The following NRDE2 variants were observed in gnomAD, a reference collection of about 807,000 sequenced individuals.
The protein encoded by NRDE2 is NRDE-2, necessary for RNA interference, domain containing, also known as nuclear exosome regulator NRDE2.
NRDE2 carries 76 observed loss-of-function variants against 124.2 expected under a neutral mutation model. The ratio of observed to expected loss-of-function variants is 0.61; its 90% CI spans 0.51 to 0.74. The LOEUF is 0.74. Ranked by LOEUF, NRDE2 falls within the 30% of genes least tolerant of loss-of-function variation. NRDE2 has a pLI of 0.00. For synonymous variants in NRDE2, 489 were observed against 528.1 expected, an observed-to-expected ratio of 0.93 and a Z score of 1.01; for missense variants, 1,314 against 1,417.3, an observed-to-expected ratio of 0.93 and a Z score of 1.17.
intron 8 of NRDE2, among the ~76,000 whole-genome samples, chr14:90,296,937 C>G (rs2149646): frequency 0.95 from 144,449 of 152,086 alleles, 68,982 homozygotes; most frequent in East Asian, 1. Context: ...TCAGAGGTTC[C>G]AGACCAGCCT....
intron 12 of NRDE2, chr14:90,280,267 GA>G (rs1891917727): frequency 6.6e-6 from 1 of 151,422 alleles, no homozygotes; most frequent in South Asian, 2.1e-4. Context: ...CACAGGGACG[GA>G]ACTGTGATAA....
intron 11 of NRDE2, 137 bp downstream of exon 11, chr14:90,288,080 C>T: frequency 7.8e-6 from 6 of 767,420 alleles, no homozygotes. Context: ...CCTATGACAC[C>T]TACAGCCCCA....
chr14:90,279,005 G>A (rs928765388), intron 13 of NRDE2, 57 bp downstream of exon 13: 56 of 1,234,484 alleles, frequency 4.5e-5, no homozygotes, highest in South Asian at 2.1e-4. Flanking sequence ...CTAGCTGGAC[G>A]GAGACCTGGC....
At position 90,316,736 on chromosome 14, in the gene NRDE2, C is replaced by G. The variant is rs752433291; in HGVS notation, c.249G>C (p.Lys83Asn). Reference protein sequence around the residue: ...KKLKQTSRKKKKEKKKKRKHQ... With the variant: ...KKLKQTSRKKNKEKKKKRKHQ... The stretch of plus-strand genomic sequence containing the variant: ...GCTTCCTTTTTTTCTTTTTCTCTTT[C>G]TTCTTTTTTCTACTTGTTTGTTTGA... Residue 83 changes from lysine (K) to asparagine (N), a missense_variant, in exon 3 of 14, where the codon AAG (lysine) becomes AAC (asparagine). Coordinates refer to ENST00000354366, the MANE Select transcript of NRDE2 (RefSeq NM_017970.4). 1 of 1,613,380 alleles carries G rather than the reference C, an allele frequency of 6.2e-7. No individual in the cohort carries two copies. Among genetic ancestry groups the G allele is most frequent in the South Asian group, 1.1e-5 (1 of 90,818 alleles).
rs769848737 is a variant in NRDE2 at position 90,331,852 on chromosome 14, C to G, written c.53G>C (p.Ser18Thr). The change falls in exon 1 of 14, where the codon AGC (serine) becomes ACC (threonine). Residue 18 changes from serine (S) to threonine (T), a missense_variant. Coordinates refer to ENST00000354366, the MANE Select transcript of NRDE2 (RefSeq NM_017970.4). ...GTTTGTGTGCTTACCTTTCCTGGAGCTCCCGCCATCGGGAGCCTCACTAAG... is the reference window on the plus strand; with the variant it reads ...GTTTGTGTGCTTACCTTTCCTGGAGGTCCCGCCATCGGGAGCCTCACTAAG... ...AGLSEAPDGG[S>T]SRKELDWLSN... 1.2e-6 allele frequency: 2 copies of G among 1,614,106 alleles called. No homozygotes were observed. Among genetic ancestry groups the G allele is most frequent in the Admixed American group, 1.7e-5 (1 of 60,028 alleles).
In NRDE2 at chr14:90,283,428, T is replaced by C. The variant is rs12433283; in HGVS notation, c.3297+2926A>G. ...AGACTGGGTAAGTTAAACTGGCAAATGTGCAAACTCCACCATTTTAAATGT... is the reference window on the plus strand; with the variant it reads ...AGACTGGGTAAGTTAAACTGGCAAACGTGCAAACTCCACCATTTTAAATGT... On this transcript the variant is annotated intron_variant, in intron 12 of 13. Transcript: ENST00000354366. 4.7e-3 allele frequency among the ~76,000 whole-genome samples: 711 copies of C among 152,294 alleles called. 4 individuals are homozygous for C. Among genetic ancestry groups the C allele is most frequent in the African/African-American group, 0.016 (670 of 41,570 alleles).
At chr14:90,313,053 T>G (rs1884903439) in intron 3 of NRDE2, among the ~76,000 whole-genome samples, 1 of 151,708 alleles carries the variant, frequency 6.6e-6, no homozygotes, top group South Asian at 2.1e-4. Flanking sequence ...AACTCAAAAC[T>G]TCTCTAAAAA....
Position 90,275,794 on chromosome 14 carries a change from C to A in NRDE2, c.*2542G>T, listed in dbSNP as rs776487779. 6.6e-6 allele frequency: 1 copy of A among 152,230 alleles called. No homozygotes were observed. The highest frequency in any genetic ancestry group is 1.5e-5 in the Non-Finnish European group (1 of 68,042). 9.4% of individuals were successfully genotyped at this position (152,230 alleles called of 1,614,324 possible). On this transcript the variant is annotated 3_prime_UTR_variant, in exon 14 of 14. Coordinates refer to ENST00000354366, the MANE Select transcript of NRDE2 (RefSeq NM_017970.4). ...CGGAAAACCCACTGGCTCTTTGGAGCCCTTCCTCAGTAGAACAATTTAAGG... is the reference window on the plus strand; with the variant it reads ...CGGAAAACCCACTGGCTCTTTGGAGACCTTCCTCAGTAGAACAATTTAAGG...
rs148662497 is a variant in NRDE2, at chr14:90,292,815, G to T, written c.1724C>A (p.Pro575His). 1 of 1,613,994 alleles carries T rather than the reference G, an allele frequency of 6.2e-7. No individual in the cohort carries two copies. Among genetic ancestry groups the T allele is most frequent in the Non-Finnish European group, 8.5e-7 (1 of 1,179,998 alleles). The change falls in exon 9 of 14, where the codon CCC becomes CAC. Residue 575 changes from proline (P) to histidine (H), a missense_variant. Coordinates refer to ENST00000354366, the MANE Select transcript of NRDE2 (RefSeq NM_017970.4). ...DDQEIKDKTL[P>H]RWQIWLAAER... is the part of the protein sequence containing the mutation. ...AGCAGCAAGCCAGATCTGCCACCTG[G>T]GCAGAGTCTTATCTTTTATTTCCTG...
intron 1 of NRDE2, among the ~76,000 whole-genome samples, chr14:90,319,986 T>G (rs548851044): frequency 3.3e-4 from 50 of 152,334 alleles, no homozygotes; most frequent in Non-Finnish European, 6.6e-4. Context: ...TTTTTTGTCA[T>G]ATTATCTTTT....
chr14:90,304,449 G>T, intron 4 of NRDE2, 67 bp from the exon 5 acceptor site: 1 of 1,182,510 alleles, frequency 8.5e-7, no homozygotes, highest in South Asian at 1.5e-5. Context: ...GACTAAAGGC[G>T]CATTAGACCT....
intron 11 of NRDE2, among the ~76,000 whole-genome samples, chr14:90,287,350 G>A (rs1182488515): frequency 1.3e-5 from 2 of 152,138 alleles, no homozygotes. Flanking sequence ...GGACACTGTG[G>A]CTCCCTCCTA....
At chr14:90,324,738 CTGT>C in intron 1 of NRDE2, among the ~76,000 whole-genome samples, 1 of 151,818 alleles carries the variant, frequency 6.6e-6, no homozygotes, top group South Asian at 2.1e-4. Context: ...AATCCTGACT[CTGT>C]GACTTACTAA....
In NRDE2 at chr14:90,271,559, C is replaced by A. The variant is rs761203586; in HGVS notation, c.*6777G>T. ...CCACTTACAGTATCTAACCAGAATA[C>A]ATGTTCTTTTATGACTATAAGTAAA... On this transcript the variant is annotated 3_prime_UTR_variant, in exon 14 of 14. Coordinates refer to ENST00000354366, the MANE Select transcript of NRDE2 (RefSeq NM_017970.4). The A allele has an allele frequency of 6.6e-6, 1 of 152,186 alleles. No individual in the cohort carries two copies. The highest frequency in any genetic ancestry group is 1.5e-5 in the Non-Finnish European group (1 of 68,032). The allele number at this position is 152,186 out of a possible 1,614,324, so 9.4% of individuals were successfully genotyped here.
intron 9 of NRDE2, among the ~76,000 whole-genome samples, chr14:90,291,672 T>A (rs1892274836): frequency 6.6e-6 from 1 of 152,252 alleles, no homozygotes. Context: ...CCCTAGAAGC[T>A]GGCCCCTTCT....
At position 90,301,414 on chromosome 14, in the gene NRDE2, C is replaced by T. The variant is rs147258224; in HGVS notation, c.1412-42G>A. The T allele has an allele frequency of 7.5e-6, 12 of 1,602,550 alleles. 1 individual carries two copies. Among genetic ancestry groups the T allele is most frequent in the African/African-American group, 6.7e-5 (5 of 74,812 alleles). Reference sequence around the variant, plus strand: ...AAAGGGGAAGAAGCCTGGTTGATACCGTTAAAGGGAAAGAACCTAACTTCT... The same window carrying T: ...AAAGGGGAAGAAGCCTGGTTGATACTGTTAAAGGGAAAGAACCTAACTTCT... On this transcript the variant is annotated intron_variant, in intron 6 of 13. Coordinates refer to ENST00000354366, the MANE Select transcript of NRDE2 (RefSeq NM_017970.4).
chr14:90,290,742 GCT>G, intron 9 of NRDE2, 135 bp from the exon 10 acceptor site: 1 of 1,120,520 alleles, frequency 8.9e-7, no homozygotes, highest in South Asian at 1.7e-5. Flanking sequence ...CAGGAGCTAA[GCT>G]CTCTGTTAGC....
intron 9 of NRDE2, among the ~76,000 whole-genome samples, chr14:90,292,109 A>G (rs976335389): frequency 4.6e-5 from 7 of 152,214 alleles, no homozygotes; most frequent in African/African-American, 1.7e-4. Context: ...AACAAGTCAC[A>G]CGGTAACAGT....
intron 1 of NRDE2, among the ~76,000 whole-genome samples, chr14:90,323,259 T>A (rs1172718618): frequency 6.6e-6 from 1 of 152,226 alleles, no homozygotes; most frequent in Non-Finnish European, 1.5e-5. Flanking sequence ...TTTATGAACA[T>A]TTATTATGTA....
Sources: allele counts gnomAD v4.1 joint callset (sites outside exome capture counted in the v4.1 genomes callset), GRCh38; gene constraint gnomAD v4.1.1; transcripts MANE v1.5; gene names NCBI Gene and HGNC (gene_info 2026-07-23, HGNC 2026-07-21).